Variants in ERN2 observed in about 807,000 individuals in gnomAD.
ERN2 encodes the protein endoplasmic reticulum to nucleus signaling 2, also known as serine/threonine-protein kinase/endoribonuclease IRE2.
A neutral mutation model predicts 107.9 loss-of-function variants in ERN2; 111 were observed. That is an observed-to-expected ratio of 1.03 (90% CI 0.88 to 1.20). The LOEUF is 1.20. Ranked by LOEUF, ERN2 falls within the 50% of genes most tolerant of loss-of-function variation. The pLI, the probability that ERN2 is intolerant of heterozygous loss-of-function variation, is 0.00. For synonymous variants in ERN2, 524 were observed against 501.7 expected (o/e 1.04, Z -0.59); for missense variants, 1,225 against 1,197.9 (o/e 1.02, Z -0.33).
chr16:23,692,956 C>T (rs899127478), intron 17 of ERN2, among the ~76,000 whole-genome samples: 1 of 146,582 alleles, frequency 6.8e-6, no homozygotes, highest in African/African-American at 2.6e-5. Context: ...TGGCCTCAAG[C>T]GATTCTGATT....
Position 23,710,292 on chromosome 16 carries a change from G to C in ERN2, c.234-48C>G, listed in dbSNP as rs970384681. On this transcript the variant is annotated intron_variant, in intron 3 of 21. Coordinates refer to ENST00000256797, the MANE Select transcript of ERN2 (RefSeq NM_033266.4). ...GAGACCAATGGGTTCTTGCCCCCTG[G>C]TTTCATGAAGGCCCCAAATTCCTTC... 8.7e-6 allele frequency: 13 copies of C among 1,485,722 alleles called. No homozygotes were observed. The Admixed American group carries it at 1.3e-4, about 15-fold the overall frequency. The allele number at this position is 1,485,722 out of a possible 1,614,324, so 92.0% of individuals were successfully genotyped here. A position where few individuals can be genotyped will look rare whatever the true frequency, so the allele number is the denominator to read the frequency against.
chr16:23,702,689 C>T lies in ERN2; in HGVS notation c.868G>A (p.Val290Met), dbSNP rs746047946. 1 of 1,613,900 alleles carries T rather than the reference C, an allele frequency of 6.2e-7. No homozygotes were observed. Among genetic ancestry groups the T allele is most frequent in the East Asian group, 2.2e-5 (1 of 44,900 alleles). The stretch of plus-strand genomic sequence containing the variant: ...TAGAAGCCAGTTTCATCCTTCCCCA[C>T]ATACAGCGTCATTCTAGTGGGAGAG... The part of the protein sequence containing the change: ...LDTQLLMTLY[V>M]GKDETGFYVS... Residue 290 changes from valine (V) to methionine (M), a missense_variant, in exon 9 of 22, where the codon GTG becomes ATG. Transcript: ENST00000256797.
At position 23,692,309 on chromosome 16, in the gene ERN2, GAGA is replaced by G. The variant is rs759220066; in HGVS notation, c.2120_2122del (p.Phe707del). 6.3e-5 allele frequency: 101 copies of G among 1,613,556 alleles called. No individual in the cohort carries two copies. Among genetic ancestry groups the G allele is most frequent in the Non-Finnish European group, 6.2e-5 (73 of 1,180,036 alleles). ...CACGTAGTAGAACACGCAGCCTGCA[GAGA>G]AGATGTCCACAGCGCTGGTCTGGAG... On this transcript the variant is annotated inframe_deletion, in exon 18 of 22. Coordinates refer to ENST00000256797, the MANE Select transcript of ERN2 (RefSeq NM_033266.4).
At chr16:23,691,089 C>T (rs1959572169) in intron 21 of ERN2, 40 bp downstream of exon 21, 5 of 1,613,730 alleles carry the variant, frequency 3.1e-6, no homozygotes, top group Non-Finnish European at 4.2e-6. Flanking sequence ...TGCGGCCAGG[C>T]CTTCCCAAGA....
Position 23,694,943 on chromosome 16 carries a change from A to C in ERN2, c.1901-16T>G, listed in dbSNP as rs1238732805. 1 of 1,613,960 alleles carries C rather than the reference A, an allele frequency of 6.2e-7. No individual in the cohort carries two copies. Among genetic ancestry groups the C allele is most frequent in the Non-Finnish European group, 8.5e-7 (1 of 1,179,946 alleles). On this transcript the variant is annotated splice_polypyrimidine_tract_variant and intron_variant, in intron 16 of 21. Coordinates refer to ENST00000256797, the MANE Select transcript of ERN2 (RefSeq NM_033266.4). ...TCCCGGTGCACTGTGGGAGAGGGGC[A>C]GAAAGAAAGCTGGTTGCTGAGGGCG...
intron 11 of ERN2, among the ~76,000 whole-genome samples, chr16:23,701,618 A>G (rs2141013971): frequency 6.6e-6 from 1 of 151,188 alleles, no homozygotes; most frequent in East Asian, 1.9e-4. Context: ...CCTATGTTTC[A>G]TGATTTAAAT....
At chr16:23,709,111 A>T (rs1016999079) in intron 4 of ERN2, 1 of 449,928 alleles carries the variant, frequency 2.2e-6, no homozygotes, top group African/African-American at 2.0e-5. Context: ...AGACTTTTCT[A>T]GCAGGCTTCC....
intron 17 of ERN2, among the ~76,000 whole-genome samples, chr16:23,693,589 C>CAAA (rs765586188): frequency 2.6e-4 from 35 of 134,974 alleles, no homozygotes; most frequent in African/African-American, 9.6e-4. Context: ...AACTCCATCT[C>CAAA]AAAAAAAAAA....
chr16:23,691,014 C>T lies in ERN2; in HGVS notation c.2598G>A (p.Glu866=). 6.2e-7 allele frequency: 1 copy of T among 1,614,186 alleles called. No individual in the cohort carries two copies. Among genetic ancestry groups the T allele is most frequent in the Non-Finnish European group, 8.5e-7 (1 of 1,180,036 alleles). The change falls in exon 22 of 22, where the codon GAG becomes GAA. Residue 866 remains glutamate (E), a synonymous_variant. Coordinates refer to ENST00000256797, the MANE Select transcript of ERN2 (RefSeq NM_033266.4). ...GGACTTGGCCGAGTGCCTGTCGCAC[C>T]TCAACTGGGAGCTCCCTGTAGTGGT... is the stretch of plus-strand genomic sequence containing the variant. ...KKHHYRELPV[E]VRQALGQVPD...
At chr16:23,700,930 T>C (rs1960036637) in intron 12 of ERN2, 29 bp downstream of exon 12, 5 of 1,605,992 alleles carry the variant, frequency 3.1e-6, no homozygotes, top group East Asian at 2.2e-5. Context: ...TCTCCCCAGA[T>C]AGACCTGAGG....
intron 13 of ERN2, chr16:23,696,845 G>A (rs537386156): frequency 6.6e-6 from 1 of 152,220 alleles, no homozygotes; most frequent in South Asian, 2.1e-4. Flanking sequence ...CTTTATAAGA[G>A]TTTTTAGCTT....
In ERN2 at chr16:23,702,255, G is replaced by A. The variant is rs1254503389; in HGVS notation, c.1100C>T (p.Pro367Leu). The A allele has an allele frequency of 6.2e-7, 1 of 1,614,152 alleles. No homozygotes were observed. The highest frequency in any genetic ancestry group is 1.7e-5 in the Admixed American group (1 of 60,030). The change falls in exon 11 of 22, where the codon CCA becomes CTA. Residue 367 changes from proline to leucine, a missense_variant. Coordinates refer to ENST00000256797, the MANE Select transcript of ERN2 (RefSeq NM_033266.4). ...CCTCAGCATGGTGGTGTGCAGGACT[G>A]GGGGTAGCTCGTGGTGTCCTAAGGT... ...WLLIGHHELP[P>L]VLHTTMLRVH...
intron 7 of ERN2, chr16:23,706,079 A>G: frequency 2.4e-6 from 1 of 419,786 alleles, no homozygotes; most frequent in Non-Finnish European, 4.2e-6. Flanking sequence ...ATCCAGGGTT[A>G]CCCGGTTGGG....
chr16:23,712,954 G>A (rs1192586505), intron 1 of ERN2, 141 bp downstream of exon 1: 5 of 624,612 alleles, frequency 8.0e-6, no homozygotes, highest in Non-Finnish European at 1.3e-5. Flanking sequence ...TTACTCCGTT[G>A]GGGCCGAGTT....
intron 20 of ERN2, 41 bp downstream of exon 20, chr16:23,691,261 C>T: frequency 6.2e-7 from 1 of 1,613,158 alleles, no homozygotes; most frequent in Non-Finnish European, 8.5e-7. Context: ...CCCAGGCCCA[C>T]TCCCCTCCAC....
At chr16:23,696,070 C>T in intron 13 of ERN2, 92 bp from the exon 14 acceptor site, 1 of 894,250 alleles carries the variant, frequency 1.1e-6, no homozygotes, top group Non-Finnish European at 1.8e-6. Context: ...TTTTCTGGGC[C>T]TCCACCCTCC....
Position 23,701,638 on chromosome 16 carries a change from C to CT in ERN2, c.1203+513dup, listed in dbSNP as rs61424406. Among the ~76,000 whole-genome samples, 635 of 137,936 alleles carry CT rather than the reference C, an allele frequency of 4.6e-3. 5 individuals carry two copies. Among genetic ancestry groups the CT allele is most frequent in the South Asian group, 8.6e-3 (37 of 4,292 alleles). The allele number at this position is 137,936 out of a possible 152,430, so 90.5% of individuals were successfully genotyped here. ...GTTTCATGATTTAAATAGTCAATGT[C>CT]TTTTTTTTTTTTTTTTGAGACAGGG... On this transcript the variant is annotated intron_variant, in intron 11 of 21. Coordinates refer to ENST00000256797, the MANE Select transcript of ERN2 (RefSeq NM_033266.4).
At position 23,691,996 on chromosome 16, in the gene ERN2, A is replaced by G; in HGVS notation, c.2343T>C (p.Phe781=). The change falls in exon 19 of 22, where the codon TTT becomes TTC. Residue 781 remains phenylalanine, a synonymous_variant. Coordinates refer to ENST00000256797, the MANE Select transcript of ERN2 (RefSeq NM_033266.4). ...ACTGGAGTTGCTTGGCTCTGCTCCA[A>G]AAGAAGGGGTGGGCCAGCACCTGGG... is the stretch of plus-strand genomic sequence containing the variant. The part of the protein sequence containing the change: ...SAPQVLAHPF[F]WSRAKQLQFF... 1.2e-6 allele frequency: 2 copies of G among 1,613,572 alleles called. No homozygotes were observed. The highest frequency in any genetic ancestry group is 1.7e-6 in the Non-Finnish European group (2 of 1,179,874).
chr16:23,702,011 C>CA, intron 11 of ERN2, 141 bp downstream of exon 11: 1 of 841,402 alleles, frequency 1.2e-6, no homozygotes, highest in African/African-American at 1.7e-5. Context: ...TTGTTCCCAA[C>CA]AAAAAGTCTG....
Sources: gnomAD v4.1 joint callset for allele counts (sites outside exome capture counted in the v4.1 genomes callset) on GRCh38, gnomAD v4.1.1 for gene constraint, MANE v1.5 for transcripts, NCBI Gene and HGNC (gene_info 2026-07-23, HGNC 2026-07-21) for gene names.